Variants in NDST3 observed in about 807,000 individuals in gnomAD.
The protein encoded by NDST3 is bifunctional heparan sulfate N-deacetylase/N-sulfotransferase 3.
In NDST3, 58 loss-of-function variants were observed where a neutral mutation model predicts 96.1. That is an observed-to-expected ratio of 0.60 (90% CI 0.49 to 0.75). The LOEUF is 0.75. NDST3 is among the 30% of genes least tolerant of loss of function. NDST3 has a pLI of 0.00. For missense variants in NDST3, 788 were observed against 1,034.2 expected, an observed-to-expected ratio of 0.76 and a Z score of 3.27; for synonymous variants, 333 against 359.7, an observed-to-expected ratio of 0.93 and a Z score of 0.84.
chr4:118,087,310 A>T (rs1422745927), intron 2 of NDST3, among the ~76,000 whole-genome samples: 1 of 152,178 alleles, frequency 6.6e-6, no homozygotes, highest in Non-Finnish European at 1.5e-5. Flanking sequence ...GCTTTTACAT[A>T]TCATCTCATT....
Position 118,096,448 on chromosome 4 carries a change from C to T in NDST3, c.982-8570C>T, listed in dbSNP as rs577061553. On this transcript the variant is annotated intron_variant, in intron 2 of 13. Coordinates refer to ENST00000296499, the MANE Select transcript of NDST3 (RefSeq NM_004784.3). ...AACCTGATTAGTTGGTTCTCCCAAACCAGCTGAAATGGACTTTAATTAGAA... is the reference window on the plus strand; with the variant it reads ...AACCTGATTAGTTGGTTCTCCCAAATCAGCTGAAATGGACTTTAATTAGAA... 1.3e-3 allele frequency among the ~76,000 whole-genome samples: 193 copies of T among 151,556 alleles called. 1 individual carries two copies. Among genetic ancestry groups the T allele is most frequent in the South Asian group, 1.0e-3 (5 of 4,784 alleles).
intron 12 of NDST3, among the ~76,000 whole-genome samples, chr4:118,252,626 C>T (rs1741819074): frequency 1.3e-5 from 2 of 152,190 alleles, no homozygotes; most frequent in African/African-American, 4.8e-5. Context: ...CACAGTGGCT[C>T]ACGCCTGTAA....
At chr4:118,036,569 C>T (rs529749272) in intron 1 of NDST3, among the ~76,000 whole-genome samples, 4 of 152,238 alleles carry the variant, frequency 2.6e-5, no homozygotes, top group South Asian at 2.1e-4. Flanking sequence ...ACAAAAGTAA[C>T]GACCTACATT....
At chr4:118,133,827 G>A (rs1732843626) in intron 4 of NDST3, among the ~76,000 whole-genome samples, 1 of 152,202 alleles carries the variant, frequency 6.6e-6, no homozygotes, top group Admixed American at 6.5e-5. Context: ...GTCAGAATCA[G>A]ATCATACTTT....
At chr4:118,164,028 T>A (rs1251525548) in intron 6 of NDST3, among the ~76,000 whole-genome samples, 1 of 152,114 alleles carries the variant, frequency 6.6e-6, no homozygotes, top group Non-Finnish European at 1.5e-5. Context: ...AATTGTTCTA[T>A]CATAAACACA....
chr4:118,116,896 T>C (rs1382198451), intron 4 of NDST3, among the ~76,000 whole-genome samples: 1 of 152,016 alleles, frequency 6.6e-6, no homozygotes, highest in Non-Finnish European at 1.5e-5. Context: ...TTAATACATA[T>C]GCTAGAACAG....
chr4:118,050,709 T>A (rs1355864578), intron 1 of NDST3, among the ~76,000 whole-genome samples: 1 of 152,006 alleles, frequency 6.6e-6, no homozygotes. Context: ...AAAACACTGA[T>A]GAAATAAATC....
chr4:118,160,584 C>A (rs775133523), intron 6 of NDST3, among the ~76,000 whole-genome samples: 1 of 152,132 alleles, frequency 6.6e-6, no homozygotes, highest in Non-Finnish European at 1.5e-5. Context: ...TATCACTGAT[C>A]ATTAGAAAAA....
At chr4:118,101,495 C>A (rs1729760994) in intron 2 of NDST3, among the ~76,000 whole-genome samples, 1 of 151,854 alleles carries the variant, frequency 6.6e-6, no homozygotes, top group Non-Finnish European at 1.5e-5. Flanking sequence ...ACACTATGTT[C>A]CCTTCTAACA....
intron 12 of NDST3, among the ~76,000 whole-genome samples, chr4:118,252,038 T>C (rs1353645788): frequency 6.6e-6 from 1 of 152,180 alleles, no homozygotes; most frequent in Non-Finnish European, 1.5e-5. Context: ...GGTTTTCACA[T>C]TATAATTTTA....
intron 6 of NDST3, among the ~76,000 whole-genome samples, chr4:118,150,107 C>T (rs28781349): frequency 0.066 from 9,939 of 151,456 alleles, 667 homozygotes; most frequent in African/African-American, 0.18. Flanking sequence ...GGATGAAGCC[C>T]ACTTGATCAT....
Position 118,255,973 on chromosome 4 carries a change from T to C in NDST3, c.*261T>C, listed in dbSNP as rs567758948. 4 of 247,602 alleles carry C rather than the reference T, an allele frequency of 1.6e-5. No homozygotes were observed. Among genetic ancestry groups the C allele is most frequent in the South Asian group, 1.6e-4 (1 of 6,450 alleles). The allele number at this position is 247,602 out of a possible 1,614,324, so 15.3% of individuals were successfully genotyped here. The stretch of plus-strand genomic sequence containing the variant: ...TACTGTGCACTCATGTGGAAGTCAA[T>C]TGCAACCAACATAAATATCAAACAC... On this transcript the variant is annotated 3_prime_UTR_variant, in exon 14 of 14. Transcript: ENST00000296499.
At chr4:118,092,463 T>G (rs1228438265) in intron 2 of NDST3, among the ~76,000 whole-genome samples, 1 of 151,866 alleles carries the variant, frequency 6.6e-6, no homozygotes, top group Non-Finnish European at 1.5e-5. Flanking sequence ...TTTCTGATTC[T>G]GATTCCTCAA....
At chr4:118,217,384 G>A (rs10028343) in intron 6 of NDST3, among the ~76,000 whole-genome samples, 3,829 of 152,106 alleles carry the variant, frequency 0.025, 65 homozygotes, top group African/African-American at 0.036. Flanking sequence ...GAGAGGGCCC[G>A]AGCCAGGGAA....
chr4:118,074,478 C>A (rs1255370368), intron 2 of NDST3, among the ~76,000 whole-genome samples: 2 of 152,090 alleles, frequency 1.3e-5, no homozygotes, highest in Admixed American at 6.6e-5. Context: ...TTGAATTGAA[C>A]CTTTTATCAT....
At position 118,193,985 on chromosome 4, in the gene NDST3, T is replaced by C. The variant is rs1737493538; in HGVS notation, c.1540-30506T>C. The C allele has an allele frequency of 3.8e-6, 4 of 1,062,294 alleles. No individual in the cohort carries two copies. In the South Asian group the frequency reaches 5.0e-5, roughly 13 times the overall value. 65.8% of individuals were successfully genotyped at this position (1,062,294 alleles called of 1,614,324 possible). A position where few individuals can be genotyped will look rare whatever the true frequency, so the allele number is the denominator to read the frequency against. On this transcript the variant is annotated intron_variant, in intron 6 of 13. Coordinates refer to ENST00000296499, the MANE Select transcript of NDST3 (RefSeq NM_004784.3). ...TTTCACTGTGGTGCTCTGCTCCAGCTTCTCTTCTGAATTCATCTCCCAAGA... is the reference window on the plus strand; with the variant it reads ...TTTCACTGTGGTGCTCTGCTCCAGCCTCTCTTCTGAATTCATCTCCCAAGA...
chr4:118,158,641 A>G (rs1010188289), intron 6 of NDST3, among the ~76,000 whole-genome samples: 1 of 152,244 alleles, frequency 6.6e-6, no homozygotes, highest in East Asian at 1.9e-4. Flanking sequence ...GTTTAATTCC[A>G]TAGATTACTT....
chr4:118,194,921 G>C (rs757351074), intron 6 of NDST3, among the ~76,000 whole-genome samples: 1 of 152,104 alleles, frequency 6.6e-6, no homozygotes, highest in Non-Finnish European at 1.5e-5. Flanking sequence ...TTTGAAGTCA[G>C]GTAATGTGAT....
intron 3 of NDST3, among the ~76,000 whole-genome samples, chr4:118,108,053 T>C (rs1473381651): frequency 6.6e-6 from 1 of 152,170 alleles, no homozygotes; most frequent in Non-Finnish European, 1.5e-5. Flanking sequence ...GCAAGAGGGC[T>C]TCGTAACTTA....
Sources: gnomAD v4.1 joint callset for allele counts (sites outside exome capture counted in the v4.1 genomes callset) on GRCh38, gnomAD v4.1.1 for gene constraint, MANE v1.5 for transcripts, NCBI Gene and HGNC (gene_info 2026-07-23, HGNC 2026-07-21) for gene names.